KSR2: variants seen among roughly 807,000 people sequenced by gnomAD.
KSR2 encodes kinase suppressor of ras 2.
In KSR2, 25 loss-of-function variants were observed where a neutral mutation model predicts 107.8. That is an observed-to-expected ratio of 0.23 (90% CI 0.17 to 0.32). The LOEUF (loss-of-function observed/expected upper bound fraction) is 0.32, where lower values mean the gene tolerates loss of function less well. KSR2 is among the 10% of genes least tolerant of loss of function. KSR2 has a pLI of 1.00. For missense variants in KSR2, 887 were observed against 1,268.9 expected, an observed-to-expected ratio of 0.70 and a Z score of 4.57; for synonymous variants, 480 against 507.0, an observed-to-expected ratio of 0.95 and a Z score of 0.71.
intron 1 of KSR2, among the ~76,000 whole-genome samples, chr12:117,930,136 C>T (rs1895656046): frequency 6.6e-6 from 1 of 152,076 alleles, no homozygotes; most frequent in Admixed American, 6.6e-5. Context: ...CAGCTTCAAG[C>T]GATTCTTGTG....
intron 5 of KSR2, among the ~76,000 whole-genome samples, chr12:117,588,740 T>C (rs923246059): frequency 2.6e-5 from 4 of 152,140 alleles, no homozygotes; most frequent in Admixed American, 2.6e-4. Flanking sequence ...AGATGGCAAA[T>C]TGAGGTAGAT....
chr12:117,682,909 G>C (rs1342891211), intron 4 of KSR2, among the ~76,000 whole-genome samples: 1 of 152,030 alleles, frequency 6.6e-6, no homozygotes, highest in Non-Finnish European at 1.5e-5. Context: ...TGGAGGGAGG[G>C]GACTCAGCTC....
intron 1 of KSR2, among the ~76,000 whole-genome samples, chr12:117,945,566 C>T (rs890575061): frequency 2.0e-5 from 3 of 152,020 alleles, no homozygotes; most frequent in Admixed American, 2.0e-4. Context: ...CCCAGCTACT[C>T]GGGAGGCTGA....
At chr12:117,687,091 C>T (rs749179292) in intron 4 of KSR2, among the ~76,000 whole-genome samples, 3 of 152,142 alleles carry the variant, frequency 2.0e-5, no homozygotes, top group Non-Finnish European at 2.9e-5. Context: ...ACCCTCAAAG[C>T]GGCGATTCTG....
chr12:117,947,246 AAAGAAAGAAAG>A (rs1276358747), intron 1 of KSR2, among the ~76,000 whole-genome samples: 6 of 125,134 alleles, frequency 4.8e-5, no homozygotes, highest in African/African-American at 1.9e-4. Flanking sequence ...AGAAAGAAAG[AAAGAAAGAAAG>A]AAGATAAACC....
chr12:117,493,965 G>C (rs1163426582), intron 14 of KSR2, among the ~76,000 whole-genome samples: 1 of 152,302 alleles, frequency 6.6e-6, no homozygotes, highest in East Asian at 1.9e-4. Flanking sequence ...CCAGCCATAG[G>C]GAACTGTAAG....
chr12:117,940,279 G>A (rs1188840452), intron 1 of KSR2, among the ~76,000 whole-genome samples: 3 of 152,120 alleles, frequency 2.0e-5, no homozygotes, highest in Non-Finnish European at 4.4e-5. Flanking sequence ...ACAAGACAAG[G>A]TTGAATTTCT....
chr12:117,529,090 G>T lies in KSR2; in HGVS notation c.1802+1851C>A, dbSNP rs79810768. The stretch of plus-strand genomic sequence containing the variant: ...AAAGTCCATAAGACCAGTCAGAAAA[G>T]ATGAAGCAGTTAGGGGACCCAGAAG... On this transcript the variant is annotated intron_variant, in intron 12 of 19. Transcript: ENST00000339824. Among the ~76,000 whole-genome samples the T allele has an allele frequency of 4.3e-3, 661 of 152,358 alleles. 6 individuals are homozygous for T. Among genetic ancestry groups the T allele is most frequent in the Middle Eastern group, 0.024 (7 of 294 alleles).
At chr12:117,881,300 GGTTT>G (rs562622533) in intron 1 of KSR2, among the ~76,000 whole-genome samples, 207 of 152,234 alleles carry the variant, frequency 1.4e-3, no homozygotes, top group African/African-American at 4.8e-3. Context: ...TGTTTGTTTT[GGTTT>G]GTTTGAGGGT....
At chr12:117,508,504 C>T (rs568412234) in intron 14 of KSR2, among the ~76,000 whole-genome samples, 124 of 151,858 alleles carry the variant, frequency 8.2e-4, no homozygotes, top group African/African-American at 2.9e-3. Flanking sequence ...AGAGTGGGAA[C>T]ATGGATGGAT....
chr12:117,950,749 AAATAAT>A (rs10700691), intron 1 of KSR2, among the ~76,000 whole-genome samples: 1 of 132,166 alleles, frequency 7.6e-6, no homozygotes, highest in Non-Finnish European at 1.6e-5. Context: ...AAAAAAAAAA[AAATAAT>A]AATAATAATA....
At chr12:117,855,624 T>A (rs879128073) in intron 2 of KSR2, 46 bp from the exon 3 acceptor site, 1 of 1,600,730 alleles carries the variant, frequency 6.2e-7, no homozygotes, top group African/African-American at 1.3e-5. Context: ...AGGAACAGCA[T>A]CTCTGCCTCC....
At chr12:117,770,545 A>G (rs1361998778) in intron 3 of KSR2, among the ~76,000 whole-genome samples, 2 of 151,900 alleles carry the variant, frequency 1.3e-5, no homozygotes, top group Non-Finnish European at 2.9e-5. Flanking sequence ...CAAAAGCCCT[A>G]GATAACTCAT....
chr12:117,936,220 G>A (rs1895831639), intron 1 of KSR2, among the ~76,000 whole-genome samples: 2 of 151,650 alleles, frequency 1.3e-5, no homozygotes, highest in South Asian at 4.2e-4. Flanking sequence ...TAAAGATGAT[G>A]TTTTGCCATG....
chr12:117,525,978 CT>C (rs1875121781), intron 13 of KSR2, among the ~76,000 whole-genome samples: 1 of 152,204 alleles, frequency 6.6e-6, no homozygotes, highest in African/African-American at 2.4e-5. Context: ...TTCCCTGAGG[CT>C]GCCTTTCCTC....
chr12:117,911,206 A>G (rs1052107206), intron 1 of KSR2, among the ~76,000 whole-genome samples: 1 of 149,562 alleles, frequency 6.7e-6, no homozygotes, highest in African/African-American at 2.5e-5. Context: ...ACACTCAAGA[A>G]ACAAGAATAA....
At chr12:117,961,179 C>T (rs541368950) in intron 1 of KSR2, among the ~76,000 whole-genome samples, 12 of 152,206 alleles carry the variant, frequency 7.9e-5, no homozygotes, top group East Asian at 3.9e-4. Flanking sequence ...GCTAAGGGAA[C>T]GCAAGCATAA....
At chr12:117,503,697 C>T (rs1428350425) in intron 14 of KSR2, among the ~76,000 whole-genome samples, 1 of 152,166 alleles carries the variant, frequency 6.6e-6, no homozygotes, top group East Asian at 1.9e-4. Flanking sequence ...CAGCACAAGC[C>T]TATCCCTTCC....
intron 4 of KSR2, among the ~76,000 whole-genome samples, chr12:117,725,043 T>C (rs1887363298): frequency 1.3e-5 from 2 of 151,074 alleles, no homozygotes; most frequent in Non-Finnish European, 2.9e-5. Context: ...CATCTGGTAC[T>C]TTTTATCCCT....
Sources: gnomAD v4.1 joint callset for allele counts (sites outside exome capture counted in the v4.1 genomes callset) on GRCh38, gnomAD v4.1.1 for gene constraint, MANE v1.5 for transcripts, NCBI Gene and HGNC (gene_info 2026-07-23, HGNC 2026-07-21) for gene names.